Variants in OR51B5 observed in about 807,000 individuals in gnomAD.
OR51B5 encodes olfactory receptor family 51 subfamily B member 5.
For synonymous variants in OR51B5, 186 were observed against 144.8 expected (o/e 1.28, Z -2.04); for missense variants, 456 against 374.6 (o/e 1.22, Z -1.79).
chr11:5,439,393 T>G (rs533024113), intron 1 of OR51B5, among the ~76,000 whole-genome samples: 1 of 152,170 alleles, frequency 6.6e-6, no homozygotes, highest in Non-Finnish European at 1.5e-5. Context: ...TGTGATACAC[T>G]GAGTTTCCCA....
intron 1 of OR51B5, among the ~76,000 whole-genome samples, chr11:5,501,613 T>G (rs1846292339): frequency 6.8e-6 from 1 of 147,906 alleles, no homozygotes; most frequent in South Asian, 2.1e-4. Flanking sequence ...CCCTTAAAGC[T>G]GCCACAGTAG....
At chr11:5,427,264 C>T (rs1447780328) in intron 1 of OR51B5, among the ~76,000 whole-genome samples, 1 of 152,228 alleles carries the variant, frequency 6.6e-6, no homozygotes, top group African/African-American at 2.4e-5. Flanking sequence ...TCCTATTAAT[C>T]TGTCTGTTGT....
At chr11:5,387,315 C>G (rs1849710223) in intron 1 of OR51B5, among the ~76,000 whole-genome samples, 1 of 152,070 alleles carries the variant, frequency 6.6e-6, no homozygotes. Context: ...GATTAAGACT[C>G]TCCATTGCAT....
At chr11:5,414,941 G>A (rs940270103) in intron 1 of OR51B5, among the ~76,000 whole-genome samples, 2 of 152,112 alleles carry the variant, frequency 1.3e-5, no homozygotes, top group African/African-American at 4.8e-5. Context: ...AACATCTACA[G>A]AACTCTCCAC....
chr11:5,497,056 A>G (rs1018920067), intron 1 of OR51B5, among the ~76,000 whole-genome samples: 21 of 24,416 alleles, frequency 8.6e-4, no homozygotes, highest in East Asian at 3.1e-3. Context: ...AAAAAAAAAA[A>G]AAAAAAAAAG....
At chr11:5,411,973 C>A (rs951847465) in intron 1 of OR51B5, among the ~76,000 whole-genome samples, 1 of 152,202 alleles carries the variant, frequency 6.6e-6, no homozygotes, top group Non-Finnish European at 1.5e-5. Context: ...GATTTTAGCC[C>A]AGTGAGATCT....
intron 1 of OR51B5, among the ~76,000 whole-genome samples, chr11:5,420,780 C>A (rs1646144023): frequency 6.6e-6 from 1 of 152,122 alleles, no homozygotes; most frequent in African/African-American, 2.4e-5. Flanking sequence ...AGATGAACCA[C>A]CAAATAGCTA....
chr11:5,434,987 CAGAT>C (rs1320341316), intron 1 of OR51B5, among the ~76,000 whole-genome samples: 1 of 152,160 alleles, frequency 6.6e-6, no homozygotes, highest in African/African-American at 2.4e-5. Flanking sequence ...GACTGAATGG[CAGAT>C]AGATTTTTTT....
chr11:5,403,319 CA>C (rs1171737858), intron 1 of OR51B5: 5 of 471,540 alleles, frequency 1.1e-5, no homozygotes, highest in African/African-American at 1.0e-4. Context: ...AGGCACTCAA[CA>C]CATGTGGCTC....
At chr11:5,486,296 T>C (rs1055517329) in intron 1 of OR51B5, among the ~76,000 whole-genome samples, 3 of 152,220 alleles carry the variant, frequency 2.0e-5, no homozygotes, top group East Asian at 1.9e-4. Flanking sequence ...ATTTTACTTC[T>C]GCATTTTGTT....
intron 1 of OR51B5, among the ~76,000 whole-genome samples, chr11:5,418,546 G>A (rs569668161): frequency 5.3e-5 from 8 of 152,160 alleles, no homozygotes; most frequent in Non-Finnish European, 7.4e-5. Flanking sequence ...ATACTACGCC[G>A]CCATGAAAAG....
downstream of OR51B5, chr11:5,340,439 A>G (rs536662670): frequency 1.1e-3 from 136 of 129,224 alleles, no homozygotes; most frequent in African/African-American, 3.9e-3. Flanking sequence ...AATTCTAAGC[A>G]TTGCATTTTA....
chr11:5,388,092 GAATAATTATTGAAATAATTGAATATTGA>G (rs1849729254), intron 1 of OR51B5, among the ~76,000 whole-genome samples: 3 of 151,840 alleles, frequency 2.0e-5, no homozygotes, highest in Admixed American at 2.0e-4. Context: ...ATCAATTAAT[GAATAATTATTGAAATAATTGAATATTGA>G]AATAATTATT....
At chr11:5,490,414 C>T (rs1235773928) in intron 1 of OR51B5, among the ~76,000 whole-genome samples, 3 of 152,102 alleles carry the variant, frequency 2.0e-5, no homozygotes, top group African/African-American at 7.2e-5. Flanking sequence ...AGAGATATGA[C>T]TGGTACTTAA....
intron 1 of OR51B5, among the ~76,000 whole-genome samples, chr11:5,410,930 A>G (rs1850139828): frequency 9.3e-6 from 1 of 107,124 alleles, no homozygotes; most frequent in Non-Finnish European, 2.1e-5. Flanking sequence ...TGTACAATGC[A>G]TTCATGGATT....
intron 1 of OR51B5, among the ~76,000 whole-genome samples, chr11:5,496,130 T>C (rs1281237628): frequency 1.3e-5 from 2 of 149,334 alleles, no homozygotes; most frequent in Non-Finnish European, 1.5e-5. Flanking sequence ...AATCCCCTCA[T>C]GCTTCTTGCT....
chr11:5,402,801 T>G, intron 1 of OR51B5: 1 of 471,662 alleles, frequency 2.1e-6, no homozygotes, highest in South Asian at 1.5e-5. Context: ...CCTTGCCATG[T>G]TGGCACTGGC....
At chr11:5,455,755 G>T (rs1241765644) in intron 1 of OR51B5, 1 of 152,118 alleles carries the variant, frequency 6.6e-6, no homozygotes. Flanking sequence ...CAACAAGAGA[G>T]AGAGTCAGAA....
intron 1 of OR51B5, among the ~76,000 whole-genome samples, chr11:5,486,744 G>A (rs761025808): frequency 6.6e-6 from 1 of 152,164 alleles, no homozygotes; most frequent in African/African-American, 2.4e-5. Context: ...GCCCTGCACT[G>A]GCTGATGCCC....
Sources: gnomAD v4.1 joint callset for allele counts (sites outside exome capture counted in the v4.1 genomes callset) on GRCh38, gnomAD v4.1.1 for gene constraint, MANE v1.5 for transcripts, NCBI Gene and HGNC (gene_info 2026-07-23, HGNC 2026-07-21) for gene names.